MAGI3: variants seen among roughly 807,000 people sequenced by gnomAD.
The protein encoded by MAGI3 is membrane associated guanylate kinase, WW and PDZ domain containing 3.
MAGI3 carries 43 observed loss-of-function variants against 121.8 expected under a neutral mutation model. The ratio of observed to expected loss-of-function variants is 0.35; its 90% CI spans 0.28 to 0.46. The LOEUF is 0.46. MAGI3 is among the 20% of genes least tolerant of loss of function. The pLI is 1.00. For synonymous variants in MAGI3, 553 were observed against 639.3 expected, an observed-to-expected ratio of 0.86 and a Z score of 2.04; for missense variants, 1,547 against 1,797.3, an observed-to-expected ratio of 0.86 and a Z score of 2.52.
Position 113,674,548 on chromosome 1 carries a change from C to G in MAGI3, c.3189+1083C>G, listed in dbSNP as rs768563298. ...AATTTTGGATTTCCTTTCCCTGCCA[C>G]CAGTAGGCATCAGAGAAAAGGAACT... On this transcript the variant is annotated intron_variant, in intron 19 of 20. Transcript: ENST00000307546. Among the ~76,000 whole-genome samples the G allele has an allele frequency of 2.0e-5, 3 of 151,716 alleles. No homozygotes were observed. In the East Asian group the frequency reaches 5.8e-4, roughly 29 times the overall value.
Position 113,594,606 on chromosome 1 carries a change from T to C in MAGI3, c.1018+46T>C, listed in dbSNP as rs767858384. The C allele has an allele frequency of 4.0e-6, 6 of 1,490,912 alleles. No individual in the cohort carries two copies. The East Asian group carries it at 1.4e-4, about 34-fold the overall frequency. 92.4% of individuals were successfully genotyped at this position (1,490,912 alleles called of 1,614,324 possible). On this transcript the variant is annotated intron_variant, in intron 6 of 20. Transcript: ENST00000307546. ...TCTATCATACTTATTCTCTTAATCCTTTCTTGCTCTTCTTGCTCAGATAAT... is the reference window on the plus strand; with the variant it reads ...TCTATCATACTTATTCTCTTAATCCCTTCTTGCTCTTCTTGCTCAGATAAT...
chr1:113,677,161 G>A (rs990807737), intron 19 of MAGI3, among the ~76,000 whole-genome samples: 2 of 152,164 alleles, frequency 1.3e-5, no homozygotes, highest in Non-Finnish European at 2.9e-5. Context: ...AGTGTTCTGG[G>A]ATAAGGAACT....
At chr1:113,548,386 ATCTC>A (rs533882852) in intron 1 of MAGI3, among the ~76,000 whole-genome samples, 15 of 152,318 alleles carry the variant, frequency 9.8e-5, no homozygotes, top group Non-Finnish European at 1.8e-4. Context: ...GAGCCCTTAT[ATCTC>A]TCTATTTATT....
chr1:113,552,270 C>T (rs912238221), intron 2 of MAGI3, among the ~76,000 whole-genome samples: 2 of 152,166 alleles, frequency 1.3e-5, no homozygotes, highest in African/African-American at 4.8e-5. Context: ...AGCAAAGGCT[C>T]ACAGGATCAT....
chr1:113,415,977 T>G (rs866735132), intron 1 of MAGI3, among the ~76,000 whole-genome samples: 1 of 93,878 alleles, frequency 1.1e-5, no homozygotes, highest in Non-Finnish European at 2.1e-5. Context: ...TCAAAAACAT[T>G]TATATATATT....
At chr1:113,546,286 T>C (rs921942921) in intron 1 of MAGI3, among the ~76,000 whole-genome samples, 1 of 152,202 alleles carries the variant, frequency 6.6e-6, no homozygotes, top group African/African-American at 2.4e-5. Flanking sequence ...CTCAAAAAAG[T>C]GTGATAACTT....
At chr1:113,518,300 C>G (rs897406815) in intron 1 of MAGI3, among the ~76,000 whole-genome samples, 4 of 152,004 alleles carry the variant, frequency 2.6e-5, no homozygotes, top group Non-Finnish European at 5.9e-5. Context: ...TGATATTTCT[C>G]TGAGTATGGC....
intron 1 of MAGI3, among the ~76,000 whole-genome samples, chr1:113,510,355 C>T (rs1210681054): frequency 2.2e-4 from 30 of 133,388 alleles, no homozygotes; most frequent in African/African-American, 2.8e-4. Flanking sequence ...TAGGCCTTGA[C>T]TTTTTTTTTT....
intron 1 of MAGI3, among the ~76,000 whole-genome samples, chr1:113,401,424 A>C (rs1651395357): frequency 6.6e-6 from 1 of 152,132 alleles, no homozygotes; most frequent in Non-Finnish European, 1.5e-5. Flanking sequence ...CTGCATGATA[A>C]AGTAGTTATT....
At chr1:113,456,497 G>A (rs891115312) in intron 1 of MAGI3, among the ~76,000 whole-genome samples, 3 of 152,052 alleles carry the variant, frequency 2.0e-5, no homozygotes, top group South Asian at 4.1e-4. Flanking sequence ...TACAGACCTA[G>A]TTCAGTCATG....
chr1:113,395,087 GTTTTTTTTT>G (rs139532433), intron 1 of MAGI3, among the ~76,000 whole-genome samples: 2 of 33,244 alleles, frequency 6.0e-5, no homozygotes, highest in Non-Finnish European at 1.0e-4. Flanking sequence ...CTTTTTGTTA[GTTTTTTTTT>G]TTTTTTTTTT....
At chr1:113,637,290 T>C (rs1377071184) in intron 9 of MAGI3, among the ~76,000 whole-genome samples, 2 of 152,346 alleles carry the variant, frequency 1.3e-5, no homozygotes, top group East Asian at 3.8e-4. Context: ...CGCTGGTTAT[T>C]TTGCTCGTTA....
intron 1 of MAGI3, among the ~76,000 whole-genome samples, chr1:113,427,841 G>T (rs1653090086): frequency 6.6e-6 from 1 of 152,164 alleles, no homozygotes; most frequent in Non-Finnish European, 1.5e-5. Flanking sequence ...TCAACAACAA[G>T]AAATACATGT....
chr1:113,505,761 TGTCA>T (rs1159441847), intron 1 of MAGI3, among the ~76,000 whole-genome samples: 1 of 152,130 alleles, frequency 6.6e-6, no homozygotes, highest in Non-Finnish European at 1.5e-5. Flanking sequence ...GAGAAGAACC[TGTCA>T]GTCAGATAGA....
chr1:113,450,198 C>T (rs1654406302), intron 1 of MAGI3: 3 of 1,566,180 alleles, frequency 1.9e-6, no homozygotes, highest in Non-Finnish European at 2.6e-6. Flanking sequence ...AGAAATACCA[C>T]ACTATTAATG....
At chr1:113,517,903 T>C (rs897320305) in intron 1 of MAGI3, among the ~76,000 whole-genome samples, 5 of 151,998 alleles carry the variant, frequency 3.3e-5, no homozygotes, top group African/African-American at 4.8e-5. Context: ...GTACCCTCTT[T>C]CTCTCACTAT....
chr1:113,449,902 A>G, intron 1 of MAGI3: 1 of 1,520,890 alleles, frequency 6.6e-7, no homozygotes, highest in Non-Finnish European at 9.0e-7. Context: ...GAAGAGGTGG[A>G]TGCAGCAATG....
intron 1 of MAGI3, among the ~76,000 whole-genome samples, chr1:113,442,575 T>C (rs1377148967): frequency 2.0e-5 from 3 of 151,928 alleles, no homozygotes; most frequent in East Asian, 1.9e-4. Flanking sequence ...ATGATCATTA[T>C]GTATTTCATA....
intron 6 of MAGI3, among the ~76,000 whole-genome samples, chr1:113,599,518 C>G (rs1005171828): frequency 1.3e-5 from 2 of 152,000 alleles, no homozygotes; most frequent in African/African-American, 4.8e-5. Flanking sequence ...AAGACTAAAC[C>G]AGGAAGAAGT....
Sources: allele counts gnomAD v4.1 joint callset (sites outside exome capture counted in the v4.1 genomes callset), GRCh38; gene constraint gnomAD v4.1.1; transcripts MANE v1.5; gene names NCBI Gene and HGNC (gene_info 2026-07-23, HGNC 2026-07-21).